Variants in EYS observed in about 807,000 individuals in gnomAD.
EYS encodes protein eyes shut homolog.
A neutral mutation model predicts 282.1 loss-of-function variants in EYS; 250 were observed. The observed-to-expected ratio is 0.89, with a 90% CI of 0.80 to 0.98. EYS has a LOEUF of 0.98. Among genes scored for constraint, EYS ranks in the 50% least tolerant of loss-of-function variants. EYS has a pLI of 0.00. For missense variants in EYS, 4,016 were observed against 3,709.0 expected (o/e 1.08, Z -2.15); for synonymous variants, 1,355 against 1,282.9 (o/e 1.06, Z -1.20).
At chr6:65,389,897 T>C (rs1415899863) in intron 7 of EYS, among the ~76,000 whole-genome samples, 2 of 152,016 alleles carry the variant, frequency 1.3e-5, no homozygotes, top group Non-Finnish European at 2.9e-5. Flanking sequence ...TGAAAGTGGA[T>C]GTGTAAGTAT....
chr6:63,975,879 T>C (rs1186144332), intron 35 of EYS, among the ~76,000 whole-genome samples: 1 of 152,002 alleles, frequency 6.6e-6, no homozygotes, highest in Non-Finnish European at 1.5e-5. Context: ...CATTAGGCAA[T>C]TTCATCATTG....
At chr6:65,216,380 A>G (rs1244979049) in intron 12 of EYS, among the ~76,000 whole-genome samples, 1 of 152,026 alleles carries the variant, frequency 6.6e-6, no homozygotes, top group East Asian at 1.9e-4. Context: ...TATGCATTGT[A>G]TCATGAAATA....
chr6:64,220,443 G>A (rs142964037), intron 31 of EYS, among the ~76,000 whole-genome samples: 261 of 152,280 alleles, frequency 1.7e-3, no homozygotes, highest in African/African-American at 5.7e-3. Context: ...AGATCAATGA[G>A]CTGACTTTCA....
At chr6:64,982,012 C>T (rs142499252) in intron 14 of EYS, among the ~76,000 whole-genome samples, 60 of 151,510 alleles carry the variant, frequency 4.0e-4, no homozygotes, top group African/African-American at 1.4e-3. Flanking sequence ...AAGACCAGGC[C>T]ACAATAGTAC....
chr6:63,793,977 T>G (rs2149673278), intron 37 of EYS, among the ~76,000 whole-genome samples: 1 of 152,302 alleles, frequency 6.6e-6, no homozygotes, highest in East Asian at 1.9e-4. Context: ...TGGTGGAGTC[T>G]GAGTCTGAAG....
intron 18 of EYS, among the ~76,000 whole-genome samples, chr6:64,894,303 A>AGAAT (rs2150067460): frequency 6.6e-6 from 1 of 152,224 alleles, no homozygotes; most frequent in South Asian, 2.1e-4. Context: ...AATAGATCTA[A>AGAAT]GAATGCATAG....
At chr6:64,286,156 A>G (rs1028567696) in intron 30 of EYS, among the ~76,000 whole-genome samples, 1 of 152,244 alleles carries the variant, frequency 6.6e-6, no homozygotes, top group Non-Finnish European at 1.5e-5. Flanking sequence ...AAACCCCGAC[A>G]GCATTTCACA....
chr6:64,796,779 T>C (rs1774367355), intron 22 of EYS, among the ~76,000 whole-genome samples: 1 of 152,146 alleles, frequency 6.6e-6, no homozygotes, highest in African/African-American at 2.4e-5. Context: ...AGTTGTTCTT[T>C]TGCATATCCT....
At chr6:64,206,584 C>T (rs1401637555) in intron 31 of EYS, among the ~76,000 whole-genome samples, 1 of 152,044 alleles carries the variant, frequency 6.6e-6, no homozygotes, top group Non-Finnish European at 1.5e-5. Context: ...ATGTGAAAAT[C>T]ATAAAGATTA....
At chr6:64,449,066 G>A (rs1775221973) in intron 26 of EYS, among the ~76,000 whole-genome samples, 2 of 152,102 alleles carry the variant, frequency 1.3e-5, no homozygotes, top group South Asian at 4.1e-4. Flanking sequence ...CTGAGCTAAA[G>A]AAGGAAGTTC....
At position 64,466,901 on chromosome 6, in the gene EYS, T is replaced by C. The variant is rs564856252; in HGVS notation, c.5645-27549A>G. Among the ~76,000 whole-genome samples the C allele has an allele frequency of 2.0e-5, 3 of 152,172 alleles. No individual in the cohort carries two copies. In the South Asian group the frequency reaches 6.2e-4, roughly 32 times the overall value. On this transcript the variant is annotated intron_variant, in intron 26 of 42. Transcript: ENST00000503581. ...ATTTAATATATTTAATTTAAAATTCTAAAAAAATCTGTTAATCTGAAGACA... is the reference window on the plus strand; with the variant it reads ...ATTTAATATATTTAATTTAAAATTCCAAAAAAATCTGTTAATCTGAAGACA...
intron 36 of EYS, among the ~76,000 whole-genome samples, chr6:63,860,955 A>G (rs1562064763): frequency 6.6e-6 from 1 of 151,728 alleles, no homozygotes; most frequent in Non-Finnish European, 1.5e-5. Flanking sequence ...TCTCTTCTAT[A>G]TTTTCTCCTT....
At chr6:65,321,001 A>G (rs1241137521) in intron 11 of EYS, among the ~76,000 whole-genome samples, 1 of 152,184 alleles carries the variant, frequency 6.6e-6, no homozygotes, top group African/African-American at 2.4e-5. Flanking sequence ...TTCTTTTCAC[A>G]GCTGTTGGTC....
chr6:64,388,680 A>C lies in EYS; in HGVS notation c.6078+10T>G, dbSNP rs1435223614. 6.6e-7 allele frequency: 1 copy of C among 1,511,080 alleles called. No individual in the cohort carries two copies. Among genetic ancestry groups the C allele is most frequent in the African/African-American group, 1.4e-5 (1 of 71,528 alleles). The allele number at this position is 1,511,080 out of a possible 1,614,324, so 93.6% of individuals were successfully genotyped here. On this transcript the variant is annotated intron_variant, in intron 29 of 42. Coordinates refer to ENST00000503581, the MANE Select transcript of EYS (RefSeq NM_001142800.2). ...CAATAATTAATATTTTAAAACATCTATAGAAATACCTGGATTTTCCCATGA... is the reference window on the plus strand; with the variant it reads ...CAATAATTAATATTTTAAAACATCTCTAGAAATACCTGGATTTTCCCATGA...
intron 12 of EYS, among the ~76,000 whole-genome samples, chr6:65,218,704 A>G (rs1171962772): frequency 6.6e-6 from 1 of 152,146 alleles, no homozygotes; most frequent in African/African-American, 2.4e-5. Flanking sequence ...AAATCGTTAC[A>G]GTTCTAAATC....
At chr6:65,352,024 T>C (rs1020880432) in intron 9 of EYS, among the ~76,000 whole-genome samples, 9 of 151,906 alleles carry the variant, frequency 5.9e-5, no homozygotes, top group African/African-American at 2.2e-4. Flanking sequence ...CATAACAGAG[T>C]CTCTGAAAGT....
chr6:64,284,564 C>T lies in EYS; in HGVS notation c.6191+22406G>A, dbSNP rs1308721966. On this transcript the variant is annotated intron_variant, in intron 30 of 42. Transcript: ENST00000503581. ...TTCCACAGCTCTACTAGGTTGTGCC[C>T]CAGTAGGGACTCTGTGTGGGGGCTC... 2.0e-5 allele frequency among the ~76,000 whole-genome samples: 3 copies of T among 152,212 alleles called. No homozygotes were observed. The East Asian group carries it at 5.8e-4, about 29-fold the overall frequency.
chr6:64,718,747 T>C (rs966468822), intron 22 of EYS, among the ~76,000 whole-genome samples: 8 of 152,200 alleles, frequency 5.3e-5, no homozygotes, highest in Non-Finnish European at 1.2e-4. Flanking sequence ...CTCAGAGCTG[T>C]TGACAAAATT....
intron 1 of EYS, among the ~76,000 whole-genome samples, chr6:65,644,688 A>G (rs1582557034): frequency 1.3e-5 from 2 of 152,308 alleles, no homozygotes; most frequent in African/African-American, 4.8e-5. Context: ...ACCTATAAAG[A>G]AAAACCTATC....
Sources: gnomAD v4.1 joint callset for allele counts (sites outside exome capture counted in the v4.1 genomes callset) on GRCh38, gnomAD v4.1.1 for gene constraint, MANE v1.5 for transcripts, NCBI Gene and HGNC (gene_info 2026-07-23, HGNC 2026-07-21) for gene names.